SLC13A5: variants seen among roughly 807,000 people sequenced by gnomAD.
SLC13A5 encodes solute carrier family 13 member 5, also known as Na(+)/citrate cotransporter.
In SLC13A5, 25 loss-of-function variants were observed where a neutral mutation model predicts 56.5. The ratio of observed to expected loss-of-function variants is 0.44; its 90% CI spans 0.32 to 0.62. SLC13A5 has a LOEUF of 0.62. Among genes scored for constraint, SLC13A5 ranks in the 20% least tolerant of loss-of-function variants. SLC13A5 has a pLI of 0.04. For synonymous variants in SLC13A5, 307 were observed against 301.5 expected (o/e 1.02, Z -0.19); for missense variants, 649 against 737.8 (o/e 0.88, Z 1.39).
At chr17:6,702,024 T>C (rs1973728662) in intron 5 of SLC13A5, among the ~76,000 whole-genome samples, 1 of 152,166 alleles carries the variant, frequency 6.6e-6, no homozygotes, top group Non-Finnish European at 1.5e-5. Context: ...AGAAAGTTAC[T>C]GGAGAACTGT....
chr17:6,700,998 ACTT>A lies in SLC13A5; in HGVS notation c.839+3_839+5del. The A allele has an allele frequency of 6.2e-7, 1 of 1,614,118 alleles. No individual in the cohort carries two copies. Among genetic ancestry groups the A allele is most frequent in the South Asian group, 1.1e-5 (1 of 91,082 alleles). ...CATAATTAGGCTGTGAGCAGCTCAA[ACTT>A]ACTTGAATCTCATGTAAACAAACTG... On this transcript the variant is annotated splice_donor_5th_base_variant and intron_variant, in intron 6 of 11. Transcript: ENST00000433363.
chr17:6,700,916 T>C, intron 6 of SLC13A5, 88 bp downstream of exon 6: 1 of 1,580,884 alleles, frequency 6.3e-7, no homozygotes, highest in Non-Finnish European at 8.6e-7. Flanking sequence ...ACGAAGGACT[T>C]TGTAAACCTG....
At chr17:6,693,981 C>A (rs2151485354) in intron 8 of SLC13A5, 116 bp downstream of exon 8, 2 of 508,646 alleles carry the variant, frequency 3.9e-6, no homozygotes, top group Non-Finnish European at 6.6e-6. Flanking sequence ...CTTTTGTAGC[C>A]AATCCTCTTG....
At chr17:6,694,283 G>T in intron 7 of SLC13A5, 86 bp from the exon 8 acceptor site, 1 of 774,032 alleles carries the variant, frequency 1.3e-6, no homozygotes, top group Non-Finnish European at 2.2e-6. Flanking sequence ...GTGTCCAAAT[G>T]CTTCTATGCA....
In SLC13A5 at chr17:6,701,125, A is replaced by G. The variant is rs867541857; in HGVS notation, c.718T>C (p.Leu240=). The G allele has an allele frequency of 3.1e-6, 5 of 1,613,902 alleles. No homozygotes were observed. The highest frequency in any genetic ancestry group is 2.2e-5 in the East Asian group (1 of 44,876). The change falls in exon 6 of 12, where the codon TTG becomes CTG. Residue 240 remains leucine, a splice_region_variant and synonymous_variant. Transcript: ENST00000433363. The surrounding 1 kb of genome is among the most constrained non-coding windows in gnomAD (Gnocchi z 4.1). The stretch of plus-strand genomic sequence containing the variant: ...ACGAGGTCCTTGCTGTCAGGAAACA[A>G]CCTACAAGAAGACACCGGCCCCCAC... The part of the protein sequence containing the change: ...NVVLLGQMNE[L]FPDSKDLVNF...
chr17:6,711,137 G>A lies in SLC13A5; in HGVS notation c.102+2095C>T, dbSNP rs1171801364. ...GTCACCTCCTGGCAAGGACTGTGTT[G>A]CTCAGGCTGCCAAGGTCCTCCCAGC... is the stretch of plus-strand genomic sequence containing the variant. On this transcript the variant is annotated intron_variant, in intron 1 of 11. Transcript: ENST00000433363. The surrounding 1 kb of genome is among the most constrained non-coding windows in gnomAD (Gnocchi z 4.0). 1.3e-5 allele frequency among the ~76,000 whole-genome samples: 2 copies of A among 152,040 alleles called. No individual in the cohort carries two copies. Among genetic ancestry groups the A allele is most frequent in the African/African-American group, 4.8e-5 (2 of 41,396 alleles).
intron 3 of SLC13A5, 108 bp from the exon 4 acceptor site, chr17:6,704,164 T>G: frequency 1.7e-6 from 2 of 1,180,744 alleles, no homozygotes; most frequent in Non-Finnish European, 2.4e-6. Context: ...GCACAGGTGT[T>G]GAGGCCAATT....
At position 6,692,808 on chromosome 17, in the gene SLC13A5, A is replaced by T. The variant is rs539769953; in HGVS notation, c.1275+236T>A. On this transcript the variant is annotated intron_variant, in intron 9 of 11. Coordinates refer to ENST00000433363, the MANE Select transcript of SLC13A5 (RefSeq NM_177550.5). The surrounding 1 kb of genome is among the most constrained non-coding windows in gnomAD (Gnocchi z 5.5). ...TGTCCTCTGCCTCTCTTGGCTAACC[A>T]CGGTCACTCATTCACTCATTCCTGC... 127 of 545,262 alleles carry T rather than the reference A, an allele frequency of 2.3e-4. No homozygotes were observed. In the South Asian group the frequency reaches 2.6e-3, roughly 11 times the overall value. 33.8% of individuals were successfully genotyped at this position (545,262 alleles called of 1,614,324 possible). A position where few individuals can be genotyped will look rare whatever the true frequency, so the allele number is the denominator to read the frequency against.
chr17:6,704,220 T>TC (rs1244318100), intron 3 of SLC13A5, 164 bp from the exon 4 acceptor site: 1 of 753,140 alleles, frequency 1.3e-6, no homozygotes, highest in Non-Finnish European at 2.3e-6. Context: ...GAGCCTCCCC[T>TC]CCCTCCCTCC....
At chr17:6,696,909 G>A (rs1293749143) in intron 6 of SLC13A5, among the ~76,000 whole-genome samples, 1 of 152,156 alleles carries the variant, frequency 6.6e-6, no homozygotes, top group African/African-American at 2.4e-5. Flanking sequence ...GAACAGCCTT[G>A]GAGAGTGTGA....
chr17:6,699,042 C>T (rs1033665434), intron 6 of SLC13A5, among the ~76,000 whole-genome samples: 1 of 100,594 alleles, frequency 9.9e-6, no homozygotes, highest in Non-Finnish European at 2.0e-5. Context: ...GACACTGTCT[C>T]AAAAATAAAT....
chr17:6,695,669 G>A (rs1462298784), intron 7 of SLC13A5, 57 bp downstream of exon 7: 16 of 1,576,580 alleles, frequency 1.0e-5, no homozygotes, highest in Non-Finnish European at 1.2e-5. Context: ...GGGATTACAT[G>A]TGTGAGCCAA....
In SLC13A5 at chr17:6,701,198, G is replaced by T; in HGVS notation, c.717-72C>A. 2 of 1,589,526 alleles carry T rather than the reference G, an allele frequency of 1.3e-6. No individual in the cohort carries two copies. The highest frequency in any genetic ancestry group is 1.7e-6 in the Non-Finnish European group (2 of 1,167,168). On this transcript the variant is annotated intron_variant, in intron 5 of 11. Transcript: ENST00000433363. The surrounding 1 kb of genome is among the most constrained non-coding windows in gnomAD (Gnocchi z 4.1). ...CCAGCCTGGCCCTGTGCGTGGGGAC[G>T]GAGCAGCAGCTGGGCCCTGAGAGGC... is the stretch of plus-strand genomic sequence containing the variant.
Position 6,693,085 on chromosome 17 carries a change from G to C in SLC13A5, c.1234C>G (p.Leu412Val). ...AGAGCAAATCCGCCCCCTAGTAGCAGCACGATGCCCCAGGGCACTTTCTCC... is the reference window on the plus strand; with the variant it reads ...AGAGCAAATCCGCCCCCTAGTAGCACCACGATGCCCCAGGGCACTTTCTCC... ...TQEKVPWGIV[L>V]LLGGGFALAK... is the part of the protein sequence containing the mutation. Residue 412 changes from leucine (L) to valine (V), a missense_variant, in exon 9 of 12, where the codon CTG becomes GTG. Coordinates refer to ENST00000433363, the MANE Select transcript of SLC13A5 (RefSeq NM_177550.5). 6.2e-7 allele frequency: 1 copy of C among 1,614,016 alleles called. No individual in the cohort carries two copies. Among genetic ancestry groups the C allele is most frequent in the Non-Finnish European group, 8.5e-7 (1 of 1,180,006 alleles).
intron 6 of SLC13A5, among the ~76,000 whole-genome samples, chr17:6,700,683 C>T (rs1973687291): frequency 6.6e-6 from 1 of 152,142 alleles, no homozygotes; most frequent in Non-Finnish European, 1.5e-5. Flanking sequence ...AAGGACAGGC[C>T]TGTGATATGC....
At chr17:6,689,761 A>G (rs1382137382) in intron 10 of SLC13A5, 1 of 152,176 alleles carries the variant, frequency 6.6e-6, no homozygotes, top group African/African-American at 2.4e-5. Context: ...TTATACATGC[A>G]GACGCCCAGG....
At chr17:6,688,187 A>AT (rs1973301439) in intron 10 of SLC13A5, 3 of 152,348 alleles carry the variant, frequency 2.0e-5, no homozygotes, top group Admixed American at 1.3e-4. Flanking sequence ...CTCATTAAAT[A>AT]TTTGCTGAGT....
At chr17:6,698,179 C>T (rs367901597) in intron 6 of SLC13A5, among the ~76,000 whole-genome samples, 1 of 152,244 alleles carries the variant, frequency 6.6e-6, no homozygotes, top group Non-Finnish European at 1.5e-5. Flanking sequence ...ACACTGCATG[C>T]GTCCAAACTA....
In SLC13A5 at chr17:6,687,684, T is replaced by C. The variant is rs767074477; in HGVS notation, c.1438-18A>G. The C allele has an allele frequency of 2.5e-6, 4 of 1,588,548 alleles. No homozygotes were observed. Among genetic ancestry groups the C allele is most frequent in the Non-Finnish European group, 3.4e-6 (4 of 1,168,422 alleles). ...GAGCGAGACTGCGGAAAAACAGCAC[T>C]GCAACATCACCGTACAGAACACAGA... On this transcript the variant is annotated intron_variant, in intron 10 of 11. Coordinates refer to ENST00000433363, the MANE Select transcript of SLC13A5 (RefSeq NM_177550.5). This position sits in a 1 kb window ranked among gnomAD's most constrained non-coding sequence, Gnocchi z 5.0.
Sources: gnomAD v4.1 joint callset for allele counts (sites outside exome capture counted in the v4.1 genomes callset) on GRCh38, gnomAD v4.1.1 for gene constraint, Gnocchi (gnomAD v3.1) non-coding constraint, MANE v1.5 for transcripts, NCBI Gene and HGNC (gene_info 2026-07-23, HGNC 2026-07-21) for gene names.